The following FRMPD2 variants were observed in gnomAD, a reference collection of about 807,000 sequenced individuals.
FRMPD2 encodes FERM and PDZ domain-containing protein 2.
A neutral mutation model predicts 140.1 loss-of-function variants in FRMPD2; 96 were observed. The ratio of observed to expected loss-of-function variants is 0.69; its 90% CI spans 0.58 to 0.81. The LOEUF is 0.81. Among genes scored for constraint, FRMPD2 ranks in the 40% least tolerant of loss-of-function variants. The pLI is 0.00. For missense variants in FRMPD2, 1,240 were observed against 1,447.4 expected, an observed-to-expected ratio of 0.86 and a Z score of 2.32; for synonymous variants, 449 against 547.6, an observed-to-expected ratio of 0.82 and a Z score of 2.52.
At chr10:48,237,143 C>T (rs950614301) in intron 8 of FRMPD2, among the ~76,000 whole-genome samples, 4 of 149,388 alleles carry the variant, frequency 2.7e-5, no homozygotes, top group Non-Finnish European at 5.9e-5. Flanking sequence ...AAAAAAAAAG[C>T]TTAAGAAGCT....
chr10:48,248,769 G>A (rs1346943306), intron 3 of FRMPD2: 1 of 315,026 alleles, frequency 3.2e-6, no homozygotes. Context: ...ATAATAACCT[G>A]ATCAATTAAG....
Position 48,201,260 on chromosome 10 carries a change from A to C in FRMPD2, c.1922T>G (p.Met641Arg). The C allele has an allele frequency of 6.2e-7, 1 of 1,612,896 alleles. No homozygotes were observed. The highest frequency in any genetic ancestry group is 8.5e-7 in the Non-Finnish European group (1 of 1,179,376). The change falls in exon 15 of 29, where the codon ATG becomes AGG. Residue 641 changes from methionine (M) to arginine (R), a missense_variant. Transcript: ENST00000374201. Reference protein sequence around the residue: ...CSAQHGFNAQMGSGQPSHVLF... With the variant: ...CSAQHGFNAQRGSGQPSHVLF... ...AACATGGGAAGGCTGCCCAGAGCCC[A>C]TCTGTGCATTAAACCCATGCTGGGC...
chr10:48,251,467 A>G, intron 2 of FRMPD2, 99 bp downstream of exon 2: 1 of 1,448,428 alleles, frequency 6.9e-7, no homozygotes, highest in Non-Finnish European at 9.6e-7. Flanking sequence ...GTGCTCTCAG[A>G]GGTTGATTTA....
chr10:48,259,676 AT>A (rs572368745), intron 1 of FRMPD2, among the ~76,000 whole-genome samples: 23 of 148,954 alleles, frequency 1.5e-4, no homozygotes, highest in South Asian at 6.4e-4. Context: ...ACACATACAC[AT>A]TTTTTTTTTA....
rs772519728 is a variant in FRMPD2, at chr10:48,192,928, C to G, written c.1955-34G>C. On this transcript the variant is annotated intron_variant, in intron 15 of 28. Transcript: ENST00000374201. ...GGGGAGAAAAACATAGACATACACA[C>G]ACACAAGAATGATGCTGGATCCATT... 10 of 1,487,864 alleles carry G rather than the reference C, an allele frequency of 6.7e-6. No homozygotes were observed. In the East Asian group the frequency reaches 2.3e-4, roughly 34 times the overall value. 92.2% of individuals were successfully genotyped at this position (1,487,864 alleles called of 1,614,324 possible).
chr10:48,201,435 A>G (rs780277820), intron 14 of FRMPD2, 51 bp from the exon 15 acceptor site: 9 of 1,559,906 alleles, frequency 5.8e-6, no homozygotes, highest in African/African-American at 2.7e-5. Context: ...ACAACCCTCC[A>G]CTGACGCACA....
Position 48,157,286 on chromosome 10 carries a change from AT to A in FRMPD2, c.*35del, listed in dbSNP as rs1313388210. On this transcript the variant is annotated 3_prime_UTR_variant, in exon 29 of 29. Transcript: ENST00000374201. The stretch of plus-strand genomic sequence containing the variant: ...AGAATAGTCCATGCAAAGGTAGGGC[AT>A]TTTACACAGCACTGCAGACATGCAG... 38 of 748,484 alleles carry A rather than the reference AT, an allele frequency of 5.1e-5. 3 individuals carry two copies. The Middle Eastern group carries it at 2.3e-3, about 45-fold the overall frequency. 46.4% of individuals were successfully genotyped at this position (748,484 alleles called of 1,614,324 possible). A position where few individuals can be genotyped will look rare whatever the true frequency, so the allele number is the denominator to read the frequency against.
At chr10:48,240,739 C>G (rs1840087508) in intron 5 of FRMPD2, among the ~76,000 whole-genome samples, 1 of 152,180 alleles carries the variant, frequency 6.6e-6, no homozygotes, top group Non-Finnish European at 1.5e-5. Context: ...TCATGCATTC[C>G]CTCCATGGCT....
intron 13 of FRMPD2, among the ~76,000 whole-genome samples, chr10:48,208,258 A>G (rs563845044): frequency 6.6e-6 from 1 of 152,356 alleles, no homozygotes; most frequent in East Asian, 1.9e-4. Flanking sequence ...AGTAGTCATT[A>G]AAAGTCATTA....
At chr10:48,192,339 TG>T (rs1247299972) in intron 16 of FRMPD2, among the ~76,000 whole-genome samples, 2 of 152,098 alleles carry the variant, frequency 1.3e-5, no homozygotes, top group African/African-American at 2.4e-5. Context: ...CCTAGCACTT[TG>T]GGAGGCCGAG....
chr10:48,269,192 C>A (rs1564445261), intron 1 of FRMPD2, among the ~76,000 whole-genome samples: 1 of 152,066 alleles, frequency 6.6e-6, no homozygotes, highest in Non-Finnish European at 1.5e-5. Flanking sequence ...TCAAGAGGGT[C>A]AAAAATTTAA....
chr10:48,216,869 G>A (rs887240684), intron 12 of FRMPD2, among the ~76,000 whole-genome samples: 1 of 152,178 alleles, frequency 6.6e-6, no homozygotes, highest in African/African-American at 2.4e-5. Context: ...CTCCTCCCAG[G>A]ACTTCCCAAT....
At position 48,214,199 on chromosome 10, in the gene FRMPD2, A is replaced by G. The variant is rs532715319; in HGVS notation, c.1456-2090T>C. ...CATTTTTATTCCTAATAAAAATCCC[A>G]ACGTTCTCTCTGTTCGTGAGACACA... On this transcript the variant is annotated intron_variant, in intron 12 of 28. Coordinates refer to ENST00000374201, the MANE Select transcript of FRMPD2 (RefSeq NM_001018071.4). Among the ~76,000 whole-genome samples the G allele has an allele frequency of 4.6e-5, 7 of 152,328 alleles. No individual in the cohort carries two copies. In the South Asian group the frequency reaches 1.4e-3, roughly 32 times the overall value.
chr10:48,212,843 G>A (rs933677248), intron 12 of FRMPD2, among the ~76,000 whole-genome samples: 8 of 152,160 alleles, frequency 5.3e-5, no homozygotes, highest in African/African-American at 1.7e-4. Context: ...AGACTCTGGG[G>A]CAGGTAAAAG....
chr10:48,224,554 G>A (rs1564431108), intron 10 of FRMPD2, among the ~76,000 whole-genome samples: 1 of 152,150 alleles, frequency 6.6e-6, no homozygotes, highest in Non-Finnish European at 1.5e-5. Context: ...TGAATCTGAT[G>A]CCCCACACGG....
At chr10:48,200,353 A>G (rs972708265) in intron 15 of FRMPD2, among the ~76,000 whole-genome samples, 2 of 152,104 alleles carry the variant, frequency 1.3e-5, no homozygotes, top group Non-Finnish European at 2.9e-5. Context: ...GCTCAGCTGT[A>G]TCAACTAGTC....
chr10:48,221,978 TTGGATGGA>T lies in FRMPD2; in HGVS notation c.1455+327_1455+334del, dbSNP rs71026203. 5.5e-3 allele frequency among the ~76,000 whole-genome samples: 754 copies of T among 136,390 alleles called. 2 individuals carry two copies. Among genetic ancestry groups the T allele is most frequent in the Admixed American group, 8.2e-3 (114 of 13,936 alleles). 89.5% of individuals were successfully genotyped at this position (136,390 alleles called of 152,430 possible). On this transcript the variant is annotated intron_variant, in intron 12 of 28. Transcript: ENST00000374201. ...GGTGGGTGGGTGGATGGATGGATGG[TTGGATGGA>T]TGGATGGATGGATGGATGGATGGAT...
At position 48,212,063 on chromosome 10, in the gene FRMPD2, G is replaced by C; in HGVS notation, c.1502C>G (p.Ala501Gly). The C allele has an allele frequency of 6.2e-7, 1 of 1,614,050 alleles. No individual in the cohort carries two copies. Among genetic ancestry groups the C allele is most frequent in the Non-Finnish European group, 8.5e-7 (1 of 1,179,950 alleles). ...PYFHVEDYIP[A>G]SLIERMTALR... Reference sequence around the variant, plus strand: ...AGCGGTCATCCTCTCGATCAGACTCGCTGGGATGTAATCTTCAACGTGAAA... The same window carrying C: ...AGCGGTCATCCTCTCGATCAGACTCCCTGGGATGTAATCTTCAACGTGAAA... The change falls in exon 13 of 29, where the codon GCG (alanine) becomes GGG (glycine). Residue 501 changes from alanine to glycine, a missense_variant. Physicochemically the swap from Ala to Gly is moderately conservative, Grantham distance 60. This residue lies in a region of FRMPD2 where 1,161 missense variants were observed against 1,055.9 expected (regional missense o/e 1.10). Transcript: ENST00000374201.
intron 6 of FRMPD2, among the ~76,000 whole-genome samples, chr10:48,240,123 T>C (rs1028041241): frequency 6.6e-6 from 1 of 152,250 alleles, no homozygotes; most frequent in Admixed American, 6.5e-5. Flanking sequence ...CAGTTAGAAC[T>C]CATTTTTAAA....
Sources: gnomAD v4.1 joint callset for allele counts (sites outside exome capture counted in the v4.1 genomes callset) on GRCh38, gnomAD v4.1.1 for gene constraint, gnomAD v4.1.1 regional missense constraint, MANE v1.5 for transcripts, NCBI Gene and HGNC (gene_info 2026-07-23, HGNC 2026-07-21) for gene names.